The following MACF1 variants were observed in gnomAD, a reference collection of about 807,000 sequenced individuals.
MACF1 encodes the protein microtubule-actin cross-linking factor 1.
MACF1 carries 193 observed loss-of-function variants against 854.8 expected under a neutral mutation model. The observed-to-expected ratio is 0.23, with a 90% CI of 0.20 to 0.25. MACF1 has a LOEUF of 0.25. Ranked by LOEUF, MACF1 falls within the 10% of genes least tolerant of loss-of-function variation. The pLI, the probability that MACF1 is intolerant of heterozygous loss-of-function variation, is 1.00. For missense variants in MACF1, 7,722 were observed against 8,929.1 expected (o/e 0.86, Z 5.45); for synonymous variants, 3,185 against 3,226.7 (o/e 0.99, Z 0.44).
At chr1:39,421,050 A>G (rs1325116328) in intron 58 of MACF1, among the ~76,000 whole-genome samples, 2 of 151,932 alleles carry the variant, frequency 1.3e-5, no homozygotes, top group African/African-American at 4.8e-5. Flanking sequence ...TATTTTTAGT[A>G]GAGACAGGGT....
chr1:39,205,229 C>A, intron 1 of MACF1, 98 bp downstream of exon 1: 2 of 675,602 alleles, frequency 3.0e-6, no homozygotes, highest in South Asian at 1.6e-5. Flanking sequence ...CCTTAAAGGG[C>A]CAGTACGTCC....
intron 72 of MACF1, among the ~76,000 whole-genome samples, chr1:39,439,949 C>G (rs956332304): frequency 6.6e-6 from 1 of 151,788 alleles, no homozygotes; most frequent in African/African-American, 2.4e-5. Flanking sequence ...TGAAAAAAAC[C>G]TGCTCATTAT....
rs769066303 is a variant in MACF1 at position 39,254,384 on chromosome 1, A to G, written c.435+9A>G. ...TCCTAAAGCAGCGACAGGTAAGACC[A>G]TCACATGCCTTCCCCATTCTTCCAG... On this transcript the variant is annotated intron_variant, in intron 5 of 100. Coordinates refer to ENST00000564288, the MANE Select transcript of MACF1 (RefSeq NM_001394062.1). The G allele has an allele frequency of 5.6e-6, 9 of 1,613,416 alleles. No homozygotes were observed. The highest frequency in any genetic ancestry group is 4.0e-5 in the African/African-American group (3 of 74,922).
At chr1:39,340,409 G>T (rs1421997277) in intron 38 of MACF1, 93 bp from the exon 39 acceptor site, 3 of 853,004 alleles carry the variant, frequency 3.5e-6, no homozygotes, top group African/African-American at 3.3e-5. Flanking sequence ...TAAAGTGTGT[G>T]TAGACATGGG....
At chr1:39,266,747 A>G (rs1030915257) in intron 6 of MACF1, among the ~76,000 whole-genome samples, 1 of 152,012 alleles carries the variant, frequency 6.6e-6, no homozygotes, top group Non-Finnish European at 1.5e-5. Context: ...TAACTGCAAT[A>G]GGAAAGAAAC....
chr1:39,465,091 A>T lies in MACF1; in HGVS notation c.21754-4A>T. On this transcript the variant is annotated splice_polypyrimidine_tract_variant and splice_region_variant and intron_variant, in intron 94 of 100. Transcript: ENST00000564288. ...CTCCATCCTTTACTCTTTACTGTCT[A>T]TAGTTCTTCCTCGGCAATCAGGTAC... The T allele has an allele frequency of 6.2e-7, 1 of 1,612,254 alleles. No homozygotes were observed. The highest frequency in any genetic ancestry group is 8.5e-7 in the Non-Finnish European group (1 of 1,178,888).
chr1:39,422,943 G>T, intron 60 of MACF1, 43 bp downstream of exon 60: 1 of 1,571,722 alleles, frequency 6.4e-7, no homozygotes, highest in Non-Finnish European at 8.7e-7. Context: ...CAGCCGTAGG[G>T]AGTAGTAGAC....
intron 22 of MACF1, 94 bp downstream of exon 22, chr1:39,300,456 A>G: frequency 7.9e-7 from 1 of 1,269,138 alleles, no homozygotes. Context: ...AGATCAAATT[A>G]CAGCGTTTTT....
At position 39,084,360 on chromosome 1, in the gene MACF1, C is replaced by T. The variant is rs1261084923; in HGVS notation, c.142C>T (p.Pro48Ser). 3.1e-6 allele frequency: 5 copies of T among 1,613,892 alleles called. No homozygotes were observed. Among genetic ancestry groups the T allele is most frequent in the Middle Eastern group, 1.6e-4 (1 of 6,062 alleles). The change falls in exon 2 of 94, where the codon CCA becomes TCA. Residue 48 changes from proline (P) to serine (S), a missense_variant. By Grantham distance (74) the Pro-to-Ser change is moderately conservative. Coordinates refer to the MACF1 transcript ENST00000361689. The surrounding 1 kb of genome is among the most constrained non-coding windows in gnomAD (Gnocchi z 5.2). ...AGGGGACACCTTGCCCTGGAACCTGCCACTGCATGAGCAGAAAAAGCGGAA... is the reference window on the plus strand; with the variant it reads ...AGGGGACACCTTGCCCTGGAACCTGTCACTGCATGAGCAGAAAAAGCGGAA...
chr1:39,215,815 G>A (rs1324462381), intron 1 of MACF1, among the ~76,000 whole-genome samples: 2 of 152,042 alleles, frequency 1.3e-5, no homozygotes, highest in Non-Finnish European at 1.5e-5. Flanking sequence ...GAGGATGGGG[G>A]GTGGGAGGGA....
chr1:39,428,118 G>A lies in MACF1; in HGVS notation c.16634G>A (p.Cys5545Tyr). 6.2e-7 allele frequency: 1 copy of A among 1,614,208 alleles called. No individual in the cohort carries two copies. Among genetic ancestry groups the A allele is most frequent in the Non-Finnish European group, 8.5e-7 (1 of 1,180,046 alleles). Reference sequence around the variant, plus strand: ...CGATACAGTGAAATTCAAGACCGCTGTTGTCGGAAGGCAGCCCTACTTGAC... The same window carrying A: ...CGATACAGTGAAATTCAAGACCGCTATTGTCGGAAGGCAGCCCTACTTGAC... ...QARYSEIQDR[C>Y]CRKAALLDQA... The change falls in exon 63 of 101, where the codon TGT becomes TAT. Residue 5545 changes from cysteine to tyrosine, a missense_variant. By Grantham distance (194) the Cys-to-Tyr change is radical. This residue lies in a region of MACF1 where 2,807 missense variants were observed against 3,235.8 expected (regional missense o/e 0.87). Transcript: ENST00000564288.
At chr1:39,375,458 C>T (rs974049638) in intron 52 of MACF1, among the ~76,000 whole-genome samples, 34 of 152,088 alleles carry the variant, frequency 2.2e-4, no homozygotes, top group Non-Finnish European at 4.6e-4. Context: ...CCTGCCACCA[C>T]GCCTGGCTAA....
chr1:39,426,653 T>C (rs1643737148), intron 61 of MACF1, among the ~76,000 whole-genome samples: 1 of 152,176 alleles, frequency 6.6e-6, no homozygotes, highest in Admixed American at 6.5e-5. Context: ...TTAGCACTTC[T>C]CTGGTCTCAG....
chr1:39,272,304 C>A (rs1272773359), intron 6 of MACF1, among the ~76,000 whole-genome samples: 1 of 152,240 alleles, frequency 6.6e-6, no homozygotes, highest in African/African-American at 2.4e-5. Flanking sequence ...GCTCCCCTCC[C>A]TAACAGGCTG....
chr1:39,447,387 T>C (rs1267415262), intron 80 of MACF1, 45 bp from the exon 81 acceptor site: 3 of 1,595,056 alleles, frequency 1.9e-6, no homozygotes, highest in Non-Finnish European at 2.6e-6. Flanking sequence ...TTCCTGAAAT[T>C]GGCGCTTTTT....
chr1:39,336,242 T>C lies in MACF1; in HGVS notation c.9654T>C (p.Asp3218=), dbSNP rs771050283. Residue 3218 remains aspartate (D), a synonymous_variant, in exon 37 of 101, where the codon GAT becomes GAC. Transcript: ENST00000564288. Reference sequence around the variant, plus strand: ...TTCATCATCAGGGCAGCAAAAGTGATGATAAACTTTGTGGAACTCTCAAAT... The same window carrying C: ...TTCATCATCAGGGCAGCAAAAGTGACGATAAACTTTGTGGAACTCTCAAAT... The part of the protein sequence containing the change: ...KDLHHQGSKS[D]DKLCGTLKSE... 1 of 1,614,006 alleles carries C rather than the reference T, an allele frequency of 6.2e-7. No individual in the cohort carries two copies. The highest frequency in any genetic ancestry group is 8.5e-7 in the Non-Finnish European group (1 of 1,180,016).
chr1:39,196,099 C>T (rs1009653468), intron 2 of MACF1, among the ~76,000 whole-genome samples: 1 of 152,136 alleles, frequency 6.6e-6, no homozygotes, highest in Non-Finnish European at 1.5e-5. Flanking sequence ...GAGACAGATG[C>T]TATTATTATC....
chr1:39,367,352 T>A (rs929568957), intron 49 of MACF1, among the ~76,000 whole-genome samples: 3 of 152,050 alleles, frequency 2.0e-5, no homozygotes, highest in Non-Finnish European at 4.4e-5. Flanking sequence ...GTTTTTTTTT[T>A]AATTATTAAA....
chr1:39,221,945 G>A (rs1008659822), intron 1 of MACF1, among the ~76,000 whole-genome samples: 12 of 152,096 alleles, frequency 7.9e-5, no homozygotes, highest in African/African-American at 2.7e-4. Context: ...AATTAAGTAC[G>A]TACTCCTTAC....
Sources: gnomAD v4.1 joint callset for allele counts (sites outside exome capture counted in the v4.1 genomes callset) on GRCh38, gnomAD v4.1.1 for gene constraint, gnomAD v4.1.1 regional missense constraint, Gnocchi (gnomAD v3.1) non-coding constraint, MANE v1.5 for transcripts, NCBI Gene and HGNC (gene_info 2026-07-23, HGNC 2026-07-21) for gene names.